The following CMIP variants were observed in gnomAD, a reference collection of about 807,000 sequenced individuals.
CMIP encodes C-Maf-inducing protein.
In CMIP, 13 loss-of-function variants were observed where a neutral mutation model predicts 97.3. The ratio of observed to expected loss-of-function variants is 0.13; its 90% CI spans 0.09 to 0.21. The LOEUF (loss-of-function observed/expected upper bound fraction) is 0.21. Among genes scored for constraint, CMIP ranks in the 10% least tolerant of loss-of-function variants. The pLI is 1.00. For synonymous variants in CMIP, 538 were observed against 436.3 expected, an observed-to-expected ratio of 1.23 and a Z score of -2.91; for missense variants, 847 against 1,024.9, an observed-to-expected ratio of 0.83 and a Z score of 2.37.
At chr16:81,615,609 CTT>C (rs775127341) in intron 2 of CMIP, among the ~76,000 whole-genome samples, 43 of 118,008 alleles carry the variant, frequency 3.6e-4, no homozygotes, top group East Asian at 5.3e-4. Context: ...GTGTATGTGT[CTT>C]TGTGTGGTGT....
intron 3 of CMIP, among the ~76,000 whole-genome samples, chr16:81,646,248 GTGGATGGATGGATGGA>G (rs142200346): frequency 1.2e-5 from 1 of 85,976 alleles, no homozygotes; most frequent in African/African-American, 4.0e-5. Context: ...GGGCGGGTGG[GTGGATGGATGGATGGA>G]TGGATGGATG....
At chr16:81,651,392 A>T (rs375794965) in intron 3 of CMIP, 1 of 979,828 alleles carries the variant, frequency 1.0e-6, no homozygotes, top group Non-Finnish European at 1.2e-6. Flanking sequence ...CCCTGTCCCA[A>T]CCGCTCTCTG....
chr16:81,498,078 C>A (rs1272025206), intron 1 of CMIP, among the ~76,000 whole-genome samples: 1 of 152,222 alleles, frequency 6.6e-6, no homozygotes, highest in East Asian at 1.9e-4. Flanking sequence ...TCTCAGAGTA[C>A]CATGGTGGCT....
At chr16:81,496,029 G>A (rs2089484733) in intron 1 of CMIP, among the ~76,000 whole-genome samples, 1 of 152,186 alleles carries the variant, frequency 6.6e-6, no homozygotes, top group South Asian at 2.1e-4. Flanking sequence ...CCAGGGAAGG[G>A]AGAGCAAGTG....
intron 1 of CMIP, among the ~76,000 whole-genome samples, chr16:81,541,683 TC>T (rs1448030015): frequency 6.6e-6 from 1 of 152,136 alleles, no homozygotes; most frequent in Non-Finnish European, 1.5e-5. Context: ...GAGTGGAGTG[TC>T]CCTACAAAAC....
chr16:81,561,802 G>A (rs900041186), intron 1 of CMIP, among the ~76,000 whole-genome samples: 2 of 152,198 alleles, frequency 1.3e-5, no homozygotes, highest in African/African-American at 4.8e-5. Flanking sequence ...CAATAAAGTT[G>A]AAAATTCAGT....
intron 1 of CMIP, chr16:81,476,594 A>T (rs1486410422): frequency 2.1e-6 from 1 of 477,150 alleles, no homozygotes; most frequent in East Asian, 4.6e-5. Flanking sequence ...AAAGTTTCAT[A>T]TAAATAGTAT....
At chr16:81,681,741 G>A (rs1419392794) in intron 10 of CMIP, among the ~76,000 whole-genome samples, 3 of 152,240 alleles carry the variant, frequency 2.0e-5, no homozygotes, top group East Asian at 3.8e-4. Flanking sequence ...CTAGCATTGA[G>A]GAAATGCAGC....
intron 1 of CMIP, among the ~76,000 whole-genome samples, chr16:81,452,588 G>A (rs1362270452): frequency 6.6e-6 from 1 of 152,104 alleles, no homozygotes. Context: ...TCAGGGAAGC[G>A]GGTGATAGGA....
intron 1 of CMIP, among the ~76,000 whole-genome samples, chr16:81,528,676 C>A (rs761502349): frequency 1.3e-5 from 2 of 152,302 alleles, no homozygotes; most frequent in East Asian, 3.9e-4. Context: ...TCTGACTTAG[C>A]ACAAATGATG....
chr16:81,702,575 A>C, intron 16 of CMIP, 47 bp from the exon 17 acceptor site: 1 of 1,587,308 alleles, frequency 6.3e-7, no homozygotes, highest in Non-Finnish European at 8.6e-7. Flanking sequence ...TCTAGAATGG[A>C]AACTTGGGGA....
intron 9 of CMIP, among the ~76,000 whole-genome samples, chr16:81,677,852 C>T (rs1904429308): frequency 6.6e-6 from 1 of 152,164 alleles, no homozygotes; most frequent in African/African-American, 2.4e-5. Context: ...GATTGGAGGG[C>T]AGTTAGACTG....
rs1906803476 is a variant in CMIP, at chr16:81,459,953, C to G, written c.300+14412C>G. Among the ~76,000 whole-genome samples the G allele has an allele frequency of 2.6e-5, 4 of 152,214 alleles. No individual in the cohort carries two copies. The South Asian group carries it at 8.3e-4, about 32-fold the overall frequency. ...ACCTTTGAATGCCACAAACCAAACC[C>G]ATGGACCAAGGGGACTTTGGCCACA... On this transcript the variant is annotated intron_variant, in intron 1 of 20. Transcript: ENST00000537098.
intron 1 of CMIP, among the ~76,000 whole-genome samples, chr16:81,547,414 T>C (rs1244171641): frequency 6.6e-6 from 1 of 152,092 alleles, no homozygotes; most frequent in Admixed American, 6.5e-5. Flanking sequence ...TCCAGTCAGA[T>C]AGAGGGTCTT....
intron 10 of CMIP, among the ~76,000 whole-genome samples, chr16:81,681,507 A>G (rs896462954): frequency 4.6e-5 from 7 of 152,222 alleles, no homozygotes; most frequent in Non-Finnish European, 7.3e-5. Context: ...TGGCATTGGC[A>G]AAGAGATGGG....
intron 1 of CMIP, among the ~76,000 whole-genome samples, chr16:81,454,543 T>C (rs556971715): frequency 2.0e-5 from 3 of 152,236 alleles, no homozygotes; most frequent in South Asian, 2.1e-4. Flanking sequence ...TGTGGGAAAT[T>C]GAATGCCAGC....
chr16:81,491,109 T>C (rs2089398797), intron 1 of CMIP, among the ~76,000 whole-genome samples: 1 of 152,198 alleles, frequency 6.6e-6, no homozygotes, highest in Admixed American at 6.5e-5. Flanking sequence ...GGTGGGTTCC[T>C]GTTCCTGACC....
intron 10 of CMIP, among the ~76,000 whole-genome samples, chr16:81,689,055 C>T (rs1378340076): frequency 6.6e-6 from 1 of 152,160 alleles, no homozygotes; most frequent in African/African-American, 2.4e-5. Flanking sequence ...TCCAGTCTGT[C>T]ATTGATGGAC....
chr16:81,637,873 C>T (rs1471146962), intron 3 of CMIP, among the ~76,000 whole-genome samples: 1 of 152,106 alleles, frequency 6.6e-6, no homozygotes, highest in African/African-American at 2.4e-5. Flanking sequence ...GGTGAGGGCT[C>T]GCTCCCTGCG....
Sources: gnomAD v4.1 joint callset for allele counts (sites outside exome capture counted in the v4.1 genomes callset) on GRCh38, gnomAD v4.1.1 for gene constraint, MANE v1.5 for transcripts, NCBI Gene and HGNC (gene_info 2026-07-23, HGNC 2026-07-21) for gene names.